The following TTC13 variants were observed in gnomAD, a reference collection of about 807,000 sequenced individuals.
TTC13 encodes tetratricopeptide repeat protein 13.
Under a neutral mutation model 120.0 loss-of-function variants are expected in TTC13, and 62 were observed. That is an observed-to-expected ratio of 0.52 (90% CI 0.42 to 0.64). TTC13 has a LOEUF of 0.64. Among genes scored for constraint, TTC13 ranks in the 30% least tolerant of loss-of-function variants. TTC13 has a pLI of 0.00. For synonymous variants in TTC13, 384 were observed against 393.5 expected (o/e 0.98, Z 0.28); for missense variants, 824 against 1,050.2 (o/e 0.78, Z 2.98).
At chr1:230,925,092 G>T in intron 13 of TTC13, 119 bp from the exon 14 acceptor site, 4 of 1,268,274 alleles carry the variant, frequency 3.2e-6, no homozygotes, top group Middle Eastern at 2.0e-4. Context: ...AAGTATTGGT[G>T]ATATAACAAG....
Position 230,978,629 on chromosome 1 carries a change from G to T in TTC13, c.202C>A (p.Pro68Thr). Residue 68 changes from proline (P) to threonine (T), a missense_variant, in exon 1 of 23, where the codon CCG becomes ACG. Physicochemically the swap from Pro to Thr is conservative, Grantham distance 38 (BLOSUM62 -1). Coordinates refer to ENST00000366661, the MANE Select transcript of TTC13 (RefSeq NM_024525.5). The surrounding 1 kb of genome is among the most constrained non-coding windows in gnomAD (Gnocchi z 5.6). ...ELQHRQQQEA[P>T]AGGGGCSPQS... ...GGGCTGCAGCCGCCGCCGCCCGCCG[G>T]GGCCTCCTGCTGCTGCCGGTGCTGC... is the stretch of plus-strand genomic sequence containing the variant. The T allele has an allele frequency of 6.8e-7, 1 of 1,469,304 alleles. No individual in the cohort carries two copies. Among genetic ancestry groups the T allele is most frequent in the Non-Finnish European group, 9.0e-7 (1 of 1,116,922 alleles). 91.0% of individuals were successfully genotyped at this position (1,469,304 alleles called of 1,614,324 possible).
At chr1:230,947,544 A>G (rs1409729987) in intron 4 of TTC13, among the ~76,000 whole-genome samples, 1 of 151,980 alleles carries the variant, frequency 6.6e-6, no homozygotes, top group Non-Finnish European at 1.5e-5. Context: ...CCGTAACACT[A>G]ATGATAACTA....
At chr1:230,972,074 A>C (rs915600767) in intron 1 of TTC13, among the ~76,000 whole-genome samples, 1 of 152,228 alleles carries the variant, frequency 6.6e-6, no homozygotes, top group Non-Finnish European at 1.5e-5. Context: ...TTGCAAGAGA[A>C]GACAACTGGT....
intron 19 of TTC13, 51 bp downstream of exon 19, chr1:230,912,572 T>C (rs1671608732): frequency 6.3e-7 from 1 of 1,588,764 alleles, no homozygotes; most frequent in South Asian, 1.2e-5. Context: ...TCAAAAAATT[T>C]ACAAAAGAAT....
At position 230,929,752 on chromosome 1, in the gene TTC13, A is replaced by G. The variant is rs114317112; in HGVS notation, c.1301-659T>C. ...CAACTGGTATATAGATTGATTGGGT[A>G]TATAATTTCACCAACCGACTAATGG... On this transcript the variant is annotated intron_variant, in intron 11 of 22. Transcript: ENST00000366661. 5.8e-3 allele frequency among the ~76,000 whole-genome samples: 883 copies of G among 152,314 alleles called. 5 individuals carry two copies. The highest frequency in any genetic ancestry group is 0.02 in the African/African-American group (842 of 41,570).
At chr1:230,967,504 G>C (rs1677241892) in intron 1 of TTC13, among the ~76,000 whole-genome samples, 2 of 151,784 alleles carry the variant, frequency 1.3e-5, no homozygotes, top group African/African-American at 2.4e-5. Context: ...TTCTCCTTTG[G>C]CCTATTAACA....
chr1:230,918,799 C>A (rs914535939), intron 17 of TTC13, among the ~76,000 whole-genome samples: 30 of 152,220 alleles, frequency 2.0e-4, no homozygotes, highest in African/African-American at 7.2e-4. Context: ...TGACATGCTA[C>A]TTCCTTGCTA....
chr1:230,909,195 C>G (rs1335337482), intron 20 of TTC13, among the ~76,000 whole-genome samples, 175 bp from the exon 21 acceptor site: 3 of 152,224 alleles, frequency 2.0e-5, no homozygotes, highest in African/African-American at 4.8e-5. Context: ...AGAATAGTTA[C>G]TAATTTACTA....
At chr1:230,965,662 C>G in intron 1 of TTC13, among the ~76,000 whole-genome samples, 1 of 152,198 alleles carries the variant, frequency 6.6e-6, no homozygotes, top group East Asian at 1.9e-4. Flanking sequence ...GAAGAGATAT[C>G]TGCAATCCAA....
rs1332025225 is a variant in TTC13, at chr1:230,931,324, T to G, written c.1274A>C (p.Glu425Ala). Residue 425 changes from glutamate (E) to alanine (A), a missense_variant, in exon 11 of 23, where the codon GAG (glutamate) becomes GCG (alanine). Glu to Ala is a moderately radical substitution (Grantham distance 107, BLOSUM62 -1). Transcript: ENST00000366661. Reference sequence around the variant, plus strand: ...TCGGAGATACTTTACTTTAAGATACTCAGGGCTAGCCTTCTGGCCTGGGAG... The same window carrying G: ...TCGGAGATACTTTACTTTAAGATACGCAGGGCTAGCCTTCTGGCCTGGGAG... The part of the protein sequence containing the change: ...DPLPGQKASP[E>A]YLKVKYLREY... 6.2e-7 allele frequency: 1 copy of G among 1,613,924 alleles called. No individual in the cohort carries two copies. Among genetic ancestry groups the G allele is most frequent in the Admixed American group, 1.7e-5 (1 of 59,994 alleles).
At chr1:230,943,402 T>C (rs1320915493) in intron 6 of TTC13, among the ~76,000 whole-genome samples, 2 of 152,108 alleles carry the variant, frequency 1.3e-5, no homozygotes, top group Non-Finnish European at 2.9e-5. Flanking sequence ...TATGCAGCCA[T>C]AAAAAATGAT....
chr1:230,933,934 G>T, intron 8 of TTC13, 73 bp from the exon 9 acceptor site: 1 of 978,110 alleles, frequency 1.0e-6, no homozygotes. Flanking sequence ...ATCATAAAAG[G>T]ATTTAAATAT....
At chr1:230,916,773 C>G (rs1672074087) in intron 17 of TTC13, among the ~76,000 whole-genome samples, 1 of 152,188 alleles carries the variant, frequency 6.6e-6, no homozygotes, top group Non-Finnish European at 1.5e-5. Flanking sequence ...GAACTTCATT[C>G]ACACCCACAC....
chr1:230,961,830 C>T (rs142783965), intron 1 of TTC13, among the ~76,000 whole-genome samples: 215 of 152,106 alleles, frequency 1.4e-3, no homozygotes, highest in African/African-American at 5.0e-3. Flanking sequence ...ATCCTTCAGT[C>T]GAACAATCTA....
In TTC13 at chr1:230,978,367, C is replaced by A. The variant is rs1678582451; in HGVS notation, c.271+193G>T. 6.6e-6 allele frequency among the ~76,000 whole-genome samples: 1 copy of A among 152,054 alleles called. No individual in the cohort carries two copies. The highest frequency in any genetic ancestry group is 2.4e-5 in the African/African-American group (1 of 41,450). On this transcript the variant is annotated intron_variant, in intron 1 of 22. Transcript: ENST00000366661. This position sits in a 1 kb window ranked among gnomAD's most constrained non-coding sequence, Gnocchi z 5.6. ...TCGCCGCCCTGCCCAAAGGCGGCTG[C>A]AGGAGGGCGCGCGGCGGCGTGGGTG...
Position 230,978,688 on chromosome 1 carries a change from T to C in TTC13, c.143A>G (p.His48Arg). The part of the protein sequence containing the change: ...GLRPGALATE[H>R]YSPLSLLKQE... ...CTTGAGCAGGGAGAGCGGCGAGTAGTGCTCGGTGGCCAGGGCGCCTGGCCG... is the reference window on the plus strand; with the variant it reads ...CTTGAGCAGGGAGAGCGGCGAGTAGCGCTCGGTGGCCAGGGCGCCTGGCCG... Residue 48 changes from histidine to arginine, a missense_variant, in exon 1 of 23, where the codon CAC (histidine) becomes CGC (arginine). By Grantham distance (29) the His-to-Arg change is conservative (BLOSUM62 0). Around this residue, in one of 4 missense-constraint regions of TTC13, gnomAD observed 160 missense variants for 137.2 expected, o/e 1.17. Transcript: ENST00000366661. The surrounding 1 kb of genome is among the most constrained non-coding windows in gnomAD (Gnocchi z 5.6). 1.3e-6 allele frequency: 2 copies of C among 1,489,330 alleles called. No homozygotes were observed. The highest frequency in any genetic ancestry group is 2.3e-4 in the Middle Eastern group (1 of 4,256). The allele number at this position is 1,489,330 out of a possible 1,614,324, so 92.3% of individuals were successfully genotyped here.
At chr1:230,936,983 A>T (rs2102863147) in intron 8 of TTC13, among the ~76,000 whole-genome samples, 1 of 152,214 alleles carries the variant, frequency 6.6e-6, no homozygotes, top group Non-Finnish European at 1.5e-5. Flanking sequence ...CAGACAGTGG[A>T]TCTATAAAAA....
chr1:230,956,932 T>C (rs1319156949), intron 3 of TTC13, among the ~76,000 whole-genome samples: 1 of 152,164 alleles, frequency 6.6e-6, no homozygotes, highest in Non-Finnish European at 1.5e-5. Context: ...GATGTCATTT[T>C]TTTCAAGAAA....
intron 4 of TTC13, among the ~76,000 whole-genome samples, chr1:230,952,558 C>T (rs1358182668): frequency 6.6e-6 from 1 of 152,148 alleles, no homozygotes; most frequent in Non-Finnish European, 1.5e-5. Context: ...CCCATTGTAT[C>T]AGAGATTGAT....
Sources: gnomAD v4.1 joint callset for allele counts (sites outside exome capture counted in the v4.1 genomes callset) on GRCh38, gnomAD v4.1.1 for gene constraint, gnomAD v4.1.1 regional missense constraint, Gnocchi (gnomAD v3.1) non-coding constraint, MANE v1.5 for transcripts, NCBI Gene and HGNC (gene_info 2026-07-23, HGNC 2026-07-21) for gene names.